Variants in TRIM67 observed in about 807,000 individuals in gnomAD.
TRIM67 encodes tripartite motif containing 67.
In TRIM67, 39 loss-of-function variants were observed where a neutral mutation model predicts 71.0. That is an observed-to-expected ratio of 0.55 (90% CI 0.43 to 0.72). The LOEUF is 0.72. Among genes scored for constraint, TRIM67 ranks in the 30% least tolerant of loss-of-function variants. The pLI, the probability that TRIM67 is intolerant of heterozygous loss-of-function variation, is 0.00. For missense variants in TRIM67, 973 were observed against 1,079.2 expected (o/e 0.90, Z 1.38); for synonymous variants, 481 against 473.9 (o/e 1.01, Z -0.19).
At chr1:231,211,066 TAA>T (rs1683857260) in intron 8 of TRIM67, among the ~76,000 whole-genome samples, 1 of 150,188 alleles carries the variant, frequency 6.7e-6, no homozygotes, top group African/African-American at 2.4e-5. Context: ...TTTGTTTGTT[TAA>T]TATATATATT....
rs1683801322 is a variant in TRIM67 at position 231,209,319 on chromosome 1, T to A, written c.2123+69T>A. 6.9e-7 allele frequency: 1 copy of A among 1,444,086 alleles called. No homozygotes were observed. The highest frequency in any genetic ancestry group is 9.2e-7 in the Non-Finnish European group (1 of 1,086,792). The allele number at this position is 1,444,086 out of a possible 1,614,324, so 89.5% of individuals were successfully genotyped here. A position where few individuals can be genotyped will look rare whatever the true frequency, so the allele number is the denominator to read the frequency against. On this transcript the variant is annotated intron_variant, in intron 8 of 9. Transcript: ENST00000366653. The surrounding 1 kb of genome is among the most constrained non-coding windows in gnomAD (Gnocchi z 4.1). ...TGGGAATGAGGGTCCTGAAGACCAG[T>A]GTCCCTTCTGCTGTCCCCAAAGCCA...
intron 7 of TRIM67, among the ~76,000 whole-genome samples, chr1:231,207,504 C>A (rs770104819): frequency 2.1e-4 from 32 of 152,196 alleles, no homozygotes; most frequent in Non-Finnish European, 3.7e-4. Flanking sequence ...GTTCTGCTCC[C>A]CCAGGTGTGG....
Position 231,163,724 on chromosome 1 carries a change from A to AGCCGCC in TRIM67, c.774_779dup (p.Pro259_Pro260dup), listed in dbSNP as rs746097685. 2.3e-5 allele frequency: 34 copies of AGCCGCC among 1,492,416 alleles called. No individual in the cohort carries two copies. The highest frequency in any genetic ancestry group is 1.5e-4 in the African/African-American group (10 of 68,338). The allele number at this position is 1,492,416 out of a possible 1,614,324, so 92.4% of individuals were successfully genotyped here. A position where few individuals can be genotyped will look rare whatever the true frequency, so the allele number is the denominator to read the frequency against. On this transcript the variant is annotated inframe_insertion, in exon 1 of 10. Transcript: ENST00000366653. ...CCCTTCGCCAAGCATCGCCTGGTGC[A>AGCCGCC]GCCGCCGCCGCCGCCGCCGCCGCCC... is the stretch of plus-strand genomic sequence containing the variant.
chr1:231,197,933 A>G (rs955825030), intron 2 of TRIM67, among the ~76,000 whole-genome samples: 15 of 152,350 alleles, frequency 9.8e-5, no homozygotes, highest in African/African-American at 3.6e-4. Context: ...GATGGACATT[A>G]GAAGGTTTAT....
At position 231,163,707 on chromosome 1, in the gene TRIM67, C is replaced by T; in HGVS notation, c.738C>T (p.Ala246=). The change falls in exon 1 of 10, where the codon GCC becomes GCT. Residue 246 remains alanine, a synonymous_variant. Transcript: ENST00000366653. ...LKCHPSRGPF[A]KHRLVQPPPP... is the part of the protein sequence containing the mutation. ...GCCATCCATCCCGGGGACCCTTCGC[C>T]AAGCATCGCCTGGTGCAGCCGCCGC... 6.6e-7 allele frequency: 1 copy of T among 1,506,916 alleles called. No homozygotes were observed. Among genetic ancestry groups the T allele is most frequent in the Non-Finnish European group, 8.9e-7 (1 of 1,129,180 alleles). 93.3% of individuals were successfully genotyped at this position (1,506,916 alleles called of 1,614,324 possible).
intron 5 of TRIM67, 90 bp downstream of exon 5, chr1:231,201,607 G>GT (rs1386653748): frequency 9.0e-6 from 13 of 1,446,814 alleles, no homozygotes; most frequent in Admixed American, 4.2e-5. Flanking sequence ...AGGGAGACCT[G>GT]TGATGCACGG....
In TRIM67 at chr1:231,218,514, T is replaced by C; in HGVS notation, c.*3074T>C. The C allele has an allele frequency of 1.0e-6, 1 of 985,452 alleles. No individual in the cohort carries two copies. The highest frequency in any genetic ancestry group is 1.2e-6 in the Non-Finnish European group (1 of 829,936). 61.0% of individuals were successfully genotyped at this position (985,452 alleles called of 1,614,324 possible). On this transcript the variant is annotated 3_prime_UTR_variant, in exon 10 of 10. Coordinates refer to ENST00000366653, the MANE Select transcript of TRIM67 (RefSeq NM_001004342.5). ...ATTAATCTCTTCCGAAAATATCCAC[T>C]AGCACCTCACTGCATACATAGCATC...
chr1:231,170,300 A>G (rs1196509267), intron 1 of TRIM67, among the ~76,000 whole-genome samples: 3 of 152,178 alleles, frequency 2.0e-5, no homozygotes, highest in South Asian at 2.1e-4. Context: ...TTTCTTTTTA[A>G]TATGCTTTCC....
intron 8 of TRIM67, among the ~76,000 whole-genome samples, chr1:231,210,233 C>T (rs1014010095): frequency 6.6e-6 from 1 of 152,178 alleles, no homozygotes; most frequent in Non-Finnish European, 1.5e-5. Context: ...CAAGAGCTGA[C>T]CTTGACTTCG....
intron 1 of TRIM67, among the ~76,000 whole-genome samples, chr1:231,188,548 C>G (rs1417791214): frequency 6.6e-6 from 1 of 152,164 alleles, no homozygotes; most frequent in African/African-American, 2.4e-5. Context: ...TGTCCTCCTT[C>G]CACGTTGGTT....
rs1439400625 is a variant in TRIM67 at position 231,174,391 on chromosome 1, C to A, written c.1044+10378C>A. Among the ~76,000 whole-genome samples the A allele has an allele frequency of 4.7e-5, 7 of 150,292 alleles. No homozygotes were observed. In the East Asian group the frequency reaches 1.2e-3, roughly 25 times the overall value. On this transcript the variant is annotated intron_variant, in intron 1 of 9. Transcript: ENST00000366653. ...CTATGTTGCCTAGGCTGGTCTCAAT[C>A]TCCTGGCCTCAAATGTCTCCTACCT... is the stretch of plus-strand genomic sequence containing the variant.
rs572649274 is a variant in TRIM67 at position 231,217,940 on chromosome 1, C to G, written c.*2500C>G. 2 of 1,274,696 alleles carry G rather than the reference C, an allele frequency of 1.6e-6. No homozygotes were observed. Among genetic ancestry groups the G allele is most frequent in the Non-Finnish European group, 2.0e-6 (2 of 981,790 alleles). The allele number at this position is 1,274,696 out of a possible 1,614,324, so 79.0% of individuals were successfully genotyped here. A position where few individuals can be genotyped will look rare whatever the true frequency, so the allele number is the denominator to read the frequency against. ...AGGACTCCCTCCTCCCCACTGCCACCCTGAGCTTGGGGGCTGGGATTCTCC... is the reference window on the plus strand; with the variant it reads ...AGGACTCCCTCCTCCCCACTGCCACGCTGAGCTTGGGGGCTGGGATTCTCC... On this transcript the variant is annotated 3_prime_UTR_variant, in exon 10 of 10. Transcript: ENST00000366653.
chr1:231,200,318 A>C, intron 4 of TRIM67, 60 bp downstream of exon 4: 2 of 1,115,056 alleles, frequency 1.8e-6, no homozygotes, highest in Admixed American at 3.4e-5. Flanking sequence ...CTGTTCCCCA[A>C]ATCAGCCCAA....
Position 231,213,777 on chromosome 1 carries a change from G to A in TRIM67, c.2124-38G>A, listed in dbSNP as rs1047250653. On this transcript the variant is annotated intron_variant, in intron 8 of 9. Transcript: ENST00000366653. ...TGAGTTATCACCTACATCCCAGGCT[G>A]GGTGTGGTGATGGTCTTCCTGGGGA... 9.1e-6 allele frequency: 14 copies of A among 1,539,352 alleles called. No homozygotes were observed. In the South Asian group the frequency reaches 1.8e-4, roughly 19 times the overall value.
rs763885806 is a variant in TRIM67 at position 231,163,393 on chromosome 1, G to A, written c.424G>A (p.Ala142Thr). 9 of 1,535,248 alleles carry A rather than the reference G, an allele frequency of 5.9e-6. No individual in the cohort carries two copies. The South Asian group carries it at 7.3e-5, about 12-fold the overall frequency. Residue 142 changes from alanine (A) to threonine (T), a missense_variant, in exon 1 of 10, where the codon GCT (alanine) becomes ACT (threonine). Ala to Thr is a moderately conservative substitution (Grantham distance 58). Coordinates refer to ENST00000366653, the MANE Select transcript of TRIM67 (RefSeq NM_001004342.5). ...PAPPGSSAAA[A>T]RGAACSSLSS... ...ACCACCCGGCTCCTCGGCTGCGGCGGCTCGGGGTGCCGCCTGCTCCTCGCT... is the reference window on the plus strand; with the variant it reads ...ACCACCCGGCTCCTCGGCTGCGGCGACTCGGGGTGCCGCCTGCTCCTCGCT...
intron 8 of TRIM67, among the ~76,000 whole-genome samples, chr1:231,211,067 A>AAT (rs1049636054): frequency 9.5e-5 from 14 of 147,854 alleles, no homozygotes; most frequent in Non-Finnish European, 1.9e-4. Flanking sequence ...TTGTTTGTTT[A>AAT]ATATATATAT....
At chr1:231,211,048 A>ATTT (rs141477364) in intron 8 of TRIM67, among the ~76,000 whole-genome samples, 2 of 131,458 alleles carry the variant, frequency 1.5e-5, no homozygotes, top group Middle Eastern at 4.0e-3. Flanking sequence ...ATATATATAT[A>ATTT]TATTTTGTTT....
At chr1:231,188,437 G>A (rs1044296426) in intron 1 of TRIM67, among the ~76,000 whole-genome samples, 2 of 152,280 alleles carry the variant, frequency 1.3e-5, no homozygotes, top group South Asian at 2.1e-4. Context: ...AGAATGCCAG[G>A]GACAAGGGTC....
chr1:231,203,799 G>T (rs559338692), intron 5 of TRIM67, 68 bp from the exon 6 acceptor site: 3 of 1,547,164 alleles, frequency 1.9e-6, no homozygotes, highest in African/African-American at 1.3e-5. Flanking sequence ...GGGATGGGGT[G>T]GGGTGGGGGA....
Sources: gnomAD v4.1 joint callset for allele counts (sites outside exome capture counted in the v4.1 genomes callset) on GRCh38, gnomAD v4.1.1 for gene constraint, Gnocchi (gnomAD v3.1) non-coding constraint, MANE v1.5 for transcripts, NCBI Gene and HGNC (gene_info 2026-07-23, HGNC 2026-07-21) for gene names.